Variants in SDC4 observed in about 807,000 individuals in gnomAD.
SDC4 encodes the protein syndecan-4.
In SDC4, 17 loss-of-function variants were observed where a neutral mutation model predicts 20.5. The ratio of observed to expected loss-of-function variants is 0.83; its 90% CI spans 0.57 to 1.25. The LOEUF is 1.25. Among genes scored for constraint, SDC4 ranks in the 50% most tolerant of loss-of-function variants. The pLI is 0.00. For synonymous variants in SDC4, 107 were observed against 105.3 expected, an observed-to-expected ratio of 1.02 and a Z score of -0.10; for missense variants, 241 against 252.3, an observed-to-expected ratio of 0.96 and a Z score of 0.30.
At chr20:45,327,844 A>G (rs1324910420) in intron 4 of SDC4, among the ~76,000 whole-genome samples, 1 of 152,162 alleles carries the variant, frequency 6.6e-6, no homozygotes, top group Non-Finnish European at 1.5e-5. Context: ...GGGTTTCACT[A>G]TGTTGGCCAG....
chr20:45,346,878 G>T (rs961909421), intron 1 of SDC4, among the ~76,000 whole-genome samples: 5 of 152,174 alleles, frequency 3.3e-5, no homozygotes, highest in Admixed American at 3.3e-4. Context: ...GTAGCACAAA[G>T]AGTAGAAGTT....
chr20:45,333,876 T>C (rs527606825), intron 2 of SDC4, among the ~76,000 whole-genome samples: 14 of 152,116 alleles, frequency 9.2e-5, no homozygotes, highest in Non-Finnish European at 1.8e-4. Flanking sequence ...TCTAAAAATA[T>C]TGTCATGATC....
intron 2 of SDC4, among the ~76,000 whole-genome samples, chr20:45,334,582 G>A (rs1373408898): frequency 2.6e-5 from 4 of 151,632 alleles, no homozygotes; most frequent in South Asian, 2.1e-4. Context: ...TCTGCCTCCC[G>A]GGTTCAAGCA....
At chr20:45,347,633 TAA>T (rs2145719772) in intron 1 of SDC4, among the ~76,000 whole-genome samples, 1 of 152,312 alleles carries the variant, frequency 6.6e-6, no homozygotes, top group Non-Finnish European at 1.5e-5. Flanking sequence ...AGCTCCTGGC[TAA>T]GTGTTGAGTC....
chr20:45,348,229 CGAT>C, intron 1 of SDC4, 93 bp downstream of exon 1: 1 of 989,856 alleles, frequency 1.0e-6, no homozygotes, highest in Non-Finnish European at 1.5e-6. Context: ...AGCGTACCCC[CGAT>C]CTGCCCCCCC....
chr20:45,333,216 A>T (rs952665776), intron 2 of SDC4, 147 bp from the exon 3 acceptor site: 20 of 715,462 alleles, frequency 2.8e-5, no homozygotes, highest in Non-Finnish European at 4.9e-6. Context: ...TACTTCAGTC[A>T]TCTCATCTGT....
rs922766884 is a variant in SDC4 at position 45,348,241 on chromosome 20, C to G, written c.60+84G>C. On this transcript the variant is annotated intron_variant, in intron 1 of 4. Coordinates refer to ENST00000372733, the MANE Select transcript of SDC4 (RefSeq NM_002999.4). Reference sequence around the variant, plus strand: ...GGTAGCGTACCCCCGATCTGCCCCCCCCCATCCCACGCTCCGACGAACAAA... The same window carrying G: ...GGTAGCGTACCCCCGATCTGCCCCCGCCCATCCCACGCTCCGACGAACAAA... The G allele has an allele frequency of 9.2e-5, 111 of 1,204,644 alleles. No homozygotes were observed. In the African/African-American group the frequency reaches 1.6e-3, roughly 17 times the overall value. 74.6% of individuals were successfully genotyped at this position (1,204,644 alleles called of 1,614,324 possible).
chr20:45,348,228 CCGAT>C, intron 1 of SDC4, 93 bp downstream of exon 1: 3 of 1,106,028 alleles, frequency 2.7e-6, no homozygotes, highest in Non-Finnish European at 3.9e-6. Flanking sequence ...TAGCGTACCC[CCGAT>C]CTGCCCCCCC....
In SDC4 at chr20:45,325,510, A is replaced by C. The variant is rs938756594; in HGVS notation, c.*1754T>G. On this transcript the variant is annotated 3_prime_UTR_variant, in exon 5 of 5. Coordinates refer to ENST00000372733, the MANE Select transcript of SDC4 (RefSeq NM_002999.4). Reference sequence around the variant, plus strand: ...GAGGGTGGTTCCCCTCACCGCAGCCACTGGGGTCAGGAGGAGACACGACCT... The same window carrying C: ...GAGGGTGGTTCCCCTCACCGCAGCCCCTGGGGTCAGGAGGAGACACGACCT... The C allele has an allele frequency of 1.3e-5, 2 of 152,628 alleles. No homozygotes were observed. The highest frequency in any genetic ancestry group is 6.8e-3 in the Middle Eastern group (2 of 296). 9.5% of individuals were successfully genotyped at this position (152,628 alleles called of 1,614,324 possible).
Position 45,327,421 on chromosome 20 carries a change from G to C in SDC4, c.446-6C>G. On this transcript the variant is annotated splice_polypyrimidine_tract_variant and splice_region_variant and intron_variant, in intron 4 of 4. Coordinates refer to ENST00000372733, the MANE Select transcript of SDC4 (RefSeq NM_002999.4). ...GATGCCACCCACAATCAGAGCTGGA[G>C]AGGAGGAGAGAGAAGAGGCGGGGGT... The C allele has an allele frequency of 1.2e-6, 2 of 1,611,356 alleles. No homozygotes were observed. The highest frequency in any genetic ancestry group is 1.7e-6 in the Non-Finnish European group (2 of 1,177,720).
At chr20:45,329,792 T>C (rs530051709) in intron 4 of SDC4, among the ~76,000 whole-genome samples, 2 of 152,330 alleles carry the variant, frequency 1.3e-5, no homozygotes, top group African/African-American at 4.8e-5. Context: ...AGTAAAGAAC[T>C]CTCAACTGAG....
intron 1 of SDC4, among the ~76,000 whole-genome samples, chr20:45,341,737 T>G (rs2267869): frequency 6.6e-6 from 1 of 151,744 alleles, no homozygotes; most frequent in Non-Finnish European, 1.5e-5. Flanking sequence ...TGGCACTGCC[T>G]GCAACCAGCT....
chr20:45,340,562 A>G (rs1344770845), intron 1 of SDC4, among the ~76,000 whole-genome samples: 3 of 152,230 alleles, frequency 2.0e-5, no homozygotes, highest in African/African-American at 7.2e-5. Context: ...GAGTAAACAA[A>G]GGTGAAAGTG....
At chr20:45,340,379 A>C (rs922947363) in intron 1 of SDC4, among the ~76,000 whole-genome samples, 2 of 152,322 alleles carry the variant, frequency 1.3e-5, no homozygotes, top group Non-Finnish European at 2.9e-5. Flanking sequence ...ATCCAACGTC[A>C]TGCAACTAGA....
intron 1 of SDC4, among the ~76,000 whole-genome samples, chr20:45,338,677 T>A (rs1447551532): frequency 6.6e-6 from 1 of 152,218 alleles, no homozygotes; most frequent in Non-Finnish European, 1.5e-5. Context: ...GGCGTGAAGA[T>A]CTTGCAGCCA....
intron 1 of SDC4, 43 bp downstream of exon 1, chr20:45,348,282 C>A (rs749006848): frequency 1.1e-4 from 168 of 1,518,560 alleles, no homozygotes; most frequent in Non-Finnish European, 1.5e-4. Flanking sequence ...CACCGGCCTG[C>A]GCCCCCGCTT....
chr20:45,343,525 G>C (rs1296382921), intron 1 of SDC4, among the ~76,000 whole-genome samples: 2 of 152,190 alleles, frequency 1.3e-5, no homozygotes, highest in Admixed American at 1.3e-4. Flanking sequence ...AATCCCAGCA[G>C]GAGAGGTGGG....
chr20:45,335,651 A>T, intron 2 of SDC4, 131 bp downstream of exon 2: 1 of 924,362 alleles, frequency 1.1e-6, no homozygotes, highest in Admixed American at 2.4e-5. Context: ...CCTTTTTTTG[A>T]GAAGGAAGAA....
chr20:45,336,357 A>T (rs530064344), intron 1 of SDC4, among the ~76,000 whole-genome samples: 98 of 152,264 alleles, frequency 6.4e-4, no homozygotes, highest in African/African-American at 2.3e-3. Context: ...AGGTTGCAAT[A>T]AGCCAGGATC....
Sources: gnomAD v4.1 joint callset for allele counts (sites outside exome capture counted in the v4.1 genomes callset) on GRCh38, gnomAD v4.1.1 for gene constraint, MANE v1.5 for transcripts, NCBI Gene and HGNC (gene_info 2026-07-23, HGNC 2026-07-21) for gene names.